Variants in PPARG observed in about 807,000 individuals in gnomAD.
PPARG encodes the protein peroxisome proliferator activated receptor gamma.
A neutral mutation model predicts 39.2 loss-of-function variants in PPARG; 17 were observed. The ratio of observed to expected loss-of-function variants is 0.43; its 90% CI spans 0.30 to 0.65. PPARG has a LOEUF of 0.65. PPARG is among the 30% of genes least tolerant of loss of function. The probability of loss-of-function intolerance (pLI) is 0.13; values close to 1 mark genes in which losing one functional copy is unlikely to be tolerated. For missense variants in PPARG, 406 were observed against 585.9 expected (o/e 0.69, Z 3.17); for synonymous variants, 223 against 215.7 (o/e 1.03, Z -0.30).
chr3:12,407,351 T>G (rs1163517731), intron 6 of PPARG, among the ~76,000 whole-genome samples: 1 of 152,134 alleles, frequency 6.6e-6, no homozygotes, highest in Non-Finnish European at 1.5e-5. Flanking sequence ...TTAGTAGAGA[T>G]GGGTTTTCAC....
chr3:12,315,422 G>A (rs997889799), intron 2 of PPARG, among the ~76,000 whole-genome samples: 2 of 152,150 alleles, frequency 1.3e-5, no homozygotes, highest in African/African-American at 4.8e-5. Context: ...CTGCACTGTG[G>A]TAACTGGGGG....
chr3:12,312,295 A>C (rs1427926221), intron 1 of PPARG, 85 bp from the exon 2 acceptor site: 1 of 152,210 alleles, frequency 6.6e-6, no homozygotes, highest in African/African-American at 2.4e-5. Flanking sequence ...GGGCATGTAC[A>C]TTTTGGCAGC....
At chr3:12,383,518 TA>T (rs1450112762) in intron 4 of PPARG, among the ~76,000 whole-genome samples, 1 of 152,178 alleles carries the variant, frequency 6.6e-6, no homozygotes, top group Non-Finnish European at 1.5e-5. Flanking sequence ...AAACTGTTGC[TA>T]AATTCTGAGC....
chr3:12,310,883 T>G (rs1470304615), intron 1 of PPARG, among the ~76,000 whole-genome samples: 1 of 151,566 alleles, frequency 6.6e-6, no homozygotes, highest in Non-Finnish European at 1.5e-5. Context: ...TTTTGCCTGT[T>G]GTGTGTAATG....
chr3:12,390,005 T>C (rs1257795257), intron 4 of PPARG, among the ~76,000 whole-genome samples: 1 of 152,196 alleles, frequency 6.6e-6, no homozygotes, highest in Non-Finnish European at 1.5e-5. Context: ...GAGAAGATAT[T>C]TGAACATCTG....
At chr3:12,319,883 G>C (rs1302056183) in intron 2 of PPARG, among the ~76,000 whole-genome samples, 1 of 151,994 alleles carries the variant, frequency 6.6e-6, no homozygotes, top group African/African-American at 2.4e-5. Flanking sequence ...AATATATAAA[G>C]GGTTTAGAAA....
intron 1 of PPARG, among the ~76,000 whole-genome samples, chr3:12,303,360 C>T (rs1559485408): frequency 6.6e-6 from 1 of 152,130 alleles, no homozygotes; most frequent in Non-Finnish European, 1.5e-5. Context: ...CCACACCCGG[C>T]TAGTTTTTAA....
At chr3:12,389,794 G>A (rs2050004716) in intron 4 of PPARG, among the ~76,000 whole-genome samples, 1 of 152,152 alleles carries the variant, frequency 6.6e-6, no homozygotes, top group African/African-American at 2.4e-5. Context: ...CTACCCAGAA[G>A]GCTGAGGCCC....
chr3:12,331,067 A>G (rs1002315918), intron 2 of PPARG, among the ~76,000 whole-genome samples: 1 of 152,224 alleles, frequency 6.6e-6, no homozygotes. Context: ...GCAAGTTAAA[A>G]CCAACACTAA....
chr3:12,399,431 A>G (rs1192738226), intron 5 of PPARG: 5 of 456,140 alleles, frequency 1.1e-5, no homozygotes, highest in East Asian at 1.4e-4. Context: ...CCCTCAAGAA[A>G]GAGAAGTGAG....
chr3:12,411,381 A>G (rs2050874661), intron 6 of PPARG, among the ~76,000 whole-genome samples: 1 of 152,168 alleles, frequency 6.6e-6, no homozygotes, highest in Non-Finnish European at 1.5e-5. Flanking sequence ...CCTGCAGGAA[A>G]GCAGAATATC....
At chr3:12,294,621 G>A (rs13316783) in intron 1 of PPARG, among the ~76,000 whole-genome samples, 2,711 of 152,232 alleles carry the variant, frequency 0.018, 76 homozygotes, top group African/African-American at 0.062. Context: ...GCGGCCAGTC[G>A]CAGTGGCTCA....
chr3:12,406,226 C>T (rs185537753), intron 6 of PPARG, 145 bp downstream of exon 6: 1 of 839,066 alleles, frequency 1.2e-6, no homozygotes, highest in African/African-American at 1.7e-5. Context: ...CAGGCTGAGT[C>T]TGAAACGCAG....
At chr3:12,287,984 G>A (rs17029007), upstream of PPARG, 2,361 of 150,928 alleles carry the variant, frequency 0.016, 65 homozygotes, top group East Asian at 0.11. Flanking sequence ...CGGCCTCGAG[G>A]ACACCGGAGA....
rs1419171533 is a variant in PPARG at position 12,433,884 on chromosome 3, A to G, written c.1181-14A>G. 8 of 1,613,770 alleles carry G rather than the reference A, an allele frequency of 5.0e-6. No individual in the cohort carries two copies. The East Asian group carries it at 1.1e-4, about 22-fold the overall frequency. ...CTGAACCCCCTGTTGTGTTTTCCAT[A>G]TGTGCTTCCCCAGACCGCCCAGGTT... On this transcript the variant is annotated splice_polypyrimidine_tract_variant and intron_variant, in intron 7 of 7. Coordinates refer to ENST00000651735, the MANE Select transcript of PPARG (RefSeq NM_138711.6).
intron 6 of PPARG, among the ~76,000 whole-genome samples, chr3:12,410,348 C>T (rs564101049): frequency 1.1e-4 from 16 of 152,246 alleles, no homozygotes; most frequent in South Asian, 8.3e-4. Flanking sequence ...TACCCTGGTG[C>T]GATGATCACA....
intron 2 of PPARG, among the ~76,000 whole-genome samples, chr3:12,375,376 C>T (rs1456906317): frequency 2.0e-5 from 3 of 152,176 alleles, no homozygotes; most frequent in Admixed American, 6.5e-5. Flanking sequence ...ACCAATTTCT[C>T]TCCCACCCCA....
At chr3:12,301,675 C>T (rs573357208) in intron 1 of PPARG, 1 of 145,120 alleles carries the variant, frequency 6.9e-6, no homozygotes, top group South Asian at 2.2e-4. Flanking sequence ...GGAGTCTGCT[C>T]ACTAAAGATC....
intron 3 of PPARG, among the ~76,000 whole-genome samples, chr3:12,380,706 T>C (rs903390291): frequency 6.6e-6 from 1 of 152,166 alleles, no homozygotes; most frequent in Non-Finnish European, 1.5e-5. Context: ...GAGCCTAATA[T>C]GGAAATTTAG....
Sources: allele counts gnomAD v4.1 joint callset (sites outside exome capture counted in the v4.1 genomes callset), GRCh38; gene constraint gnomAD v4.1.1; transcripts MANE v1.5; gene names NCBI Gene and HGNC (gene_info 2026-07-23, HGNC 2026-07-21).